The following PRDM11 variants were observed in gnomAD, a reference collection of about 807,000 sequenced individuals.
The protein encoded by PRDM11 is PR domain-containing protein 11.
PRDM11 carries 20 observed loss-of-function variants against 97.8 expected under a neutral mutation model. The observed-to-expected ratio is 0.20, with a 90% confidence interval of 0.14 to 0.30. The LOEUF (loss-of-function observed/expected upper bound fraction) is 0.30, where lower values mean the gene tolerates loss of function less well. Among genes scored for constraint, PRDM11 ranks in the 10% least tolerant of loss-of-function variants. The pLI is 1.00. For synonymous variants in PRDM11, 599 were observed against 637.7 expected (o/e 0.94, Z 0.91); for missense variants, 1,139 against 1,555.2 (o/e 0.73, Z 4.50).
intron 1 of PRDM11, among the ~76,000 whole-genome samples, chr11:45,134,217 C>A (rs569341641): frequency 6.6e-6 from 1 of 152,148 alleles, no homozygotes; most frequent in South Asian, 2.1e-4. Flanking sequence ...ACTGAATACT[C>A]GGACCAAATA....
chr11:45,204,604 G>A, intron 4 of PRDM11, 107 bp from the exon 5 acceptor site: 3 of 992,042 alleles, frequency 3.0e-6, no homozygotes, highest in Non-Finnish European at 4.8e-6. Flanking sequence ...CAGGGGGAGG[G>A]GGAGGGAGCA....
chr11:45,211,523 C>T (rs1031348062), intron 5 of PRDM11, among the ~76,000 whole-genome samples: 4 of 57,892 alleles, frequency 6.9e-5, no homozygotes, highest in Non-Finnish European at 2.2e-4. Flanking sequence ...GCAGTCTGTC[C>T]GATGGCCCCT....
At chr11:45,176,003 AT>A (rs1852318755) in intron 1 of PRDM11, among the ~76,000 whole-genome samples, 1 of 150,508 alleles carries the variant, frequency 6.6e-6, no homozygotes, top group Non-Finnish European at 1.5e-5. Context: ...TTTTTTTTCT[AT>A]TGAGGTAAGC....
chr11:45,210,248 G>T (rs780466774), intron 5 of PRDM11, among the ~76,000 whole-genome samples: 13 of 152,140 alleles, frequency 8.5e-5, no homozygotes, highest in Non-Finnish European at 1.8e-4. Flanking sequence ...CATCCTCCTG[G>T]CTGCTCCGCC....
At chr11:45,204,929 AC>A in intron 5 of PRDM11, 151 bp downstream of exon 5, 1 of 782,600 alleles carries the variant, frequency 1.3e-6, no homozygotes, top group Non-Finnish European at 2.1e-6. Flanking sequence ...TGAAGGACCC[AC>A]CTTTTCCCCT....
At chr11:45,112,560 A>G (rs1852206124) in intron 1 of PRDM11, among the ~76,000 whole-genome samples, 1 of 152,238 alleles carries the variant, frequency 6.6e-6, no homozygotes, top group African/African-American at 2.4e-5. Context: ...CACCAGCAAC[A>G]TAAACGTGTT....
chr11:45,182,737 A>C, intron 3 of PRDM11, 124 bp from the exon 4 acceptor site: 1 of 1,230,770 alleles, frequency 8.1e-7, no homozygotes, highest in Non-Finnish European at 1.1e-6. Flanking sequence ...ATTGCTACCG[A>C]TGACCCTGGG....
At chr11:45,167,626 C>G (rs1163834955) in intron 1 of PRDM11, among the ~76,000 whole-genome samples, 1 of 152,136 alleles carries the variant, frequency 6.6e-6, no homozygotes. Flanking sequence ...CCTTGACCAA[C>G]TTAATTACCT....
At chr11:45,220,175 CCA>C (rs1457796494) in intron 6 of PRDM11, among the ~76,000 whole-genome samples, 3 of 152,198 alleles carry the variant, frequency 2.0e-5, no homozygotes. Context: ...TCCAAGGACC[CCA>C]CTCTACCACC....
intron 1 of PRDM11, among the ~76,000 whole-genome samples, chr11:45,098,685 C>T (rs1429136679): frequency 6.6e-6 from 1 of 152,034 alleles, no homozygotes; most frequent in Non-Finnish European, 1.5e-5. Flanking sequence ...TAGAAAGGGG[C>T]AATGGAGAAT....
intron 1 of PRDM11, among the ~76,000 whole-genome samples, chr11:45,111,678 A>G (rs1852184111): frequency 1.3e-5 from 2 of 152,090 alleles, no homozygotes; most frequent in South Asian, 4.1e-4. Context: ...CCTAATAACC[A>G]CATGCACTCG....
At chr11:45,209,159 T>TGGGGCCG in intron 5 of PRDM11, 1 of 454,404 alleles carries the variant, frequency 2.2e-6, no homozygotes, top group East Asian at 7.0e-5. Flanking sequence ...TGTCGGGCCC[T>TGGGGCCG]GGGGCCGGGG....
At chr11:45,124,273 T>C (rs1852513927) in intron 1 of PRDM11, among the ~76,000 whole-genome samples, 1 of 152,226 alleles carries the variant, frequency 6.6e-6, no homozygotes, top group South Asian at 2.1e-4. Flanking sequence ...AGATTTACAA[T>C]CATGTCATCT....
At chr11:45,123,479 T>A (rs1312288298) in intron 1 of PRDM11, among the ~76,000 whole-genome samples, 1 of 151,828 alleles carries the variant, frequency 6.6e-6, no homozygotes, top group African/African-American at 2.4e-5. Flanking sequence ...TGGTTTTAGG[T>A]CTAACATGTA....
At chr11:45,101,007 A>C (rs1386778288) in intron 1 of PRDM11, among the ~76,000 whole-genome samples, 1 of 152,204 alleles carries the variant, frequency 6.6e-6, no homozygotes, top group Non-Finnish European at 1.5e-5. Flanking sequence ...GTCTTCCAAC[A>C]GAGGGACAAG....
At chr11:45,180,613 G>A (rs1227352204) in intron 1 of PRDM11, among the ~76,000 whole-genome samples, 1 of 151,254 alleles carries the variant, frequency 6.6e-6, no homozygotes, top group Non-Finnish European at 1.5e-5. Flanking sequence ...AGCCAACTGC[G>A]TGCCCCCAGG....
chr11:45,118,907 G>A (rs1338504118), intron 1 of PRDM11, among the ~76,000 whole-genome samples: 1 of 152,214 alleles, frequency 6.6e-6, no homozygotes, highest in Admixed American at 6.5e-5. Flanking sequence ...GAAAAGAGCT[G>A]TCAGAGTTTG....
At chr11:45,154,034 TC>T (rs1181723100) in intron 1 of PRDM11, among the ~76,000 whole-genome samples, 1 of 152,196 alleles carries the variant, frequency 6.6e-6, no homozygotes, top group Non-Finnish European at 1.5e-5. Flanking sequence ...ACATAATAAT[TC>T]CCAGAAGGTT....
intron 4 of PRDM11, among the ~76,000 whole-genome samples, chr11:45,189,402 A>G (rs1036328976): frequency 1.3e-5 from 2 of 152,184 alleles, no homozygotes; most frequent in African/African-American, 2.4e-5. Flanking sequence ...AATGACCTCT[A>G]TCTGCACTTT....
Sources: allele counts gnomAD v4.1 joint callset (sites outside exome capture counted in the v4.1 genomes callset), GRCh38; gene constraint gnomAD v4.1.1; transcripts MANE v1.5; gene names NCBI Gene and HGNC (gene_info 2026-07-23, HGNC 2026-07-21).